Variants in COL23A1 observed in about 807,000 individuals in gnomAD.
COL23A1 encodes the protein collagen alpha-1(XXIII) chain.
In COL23A1, 97 loss-of-function variants were observed where a neutral mutation model predicts 99.3. The ratio of observed to expected loss-of-function variants is 0.98; its 90% CI spans 0.83 to 1.16. The LOEUF is 1.16. Ranked by LOEUF, COL23A1 falls within the 50% of genes most tolerant of loss-of-function variation. The pLI is 0.00. For synonymous variants in COL23A1, 320 were observed against 308.2 expected, an observed-to-expected ratio of 1.04 and a Z score of -0.40; for missense variants, 762 against 757.4, an observed-to-expected ratio of 1.01 and a Z score of -0.07.
intron 2 of COL23A1, among the ~76,000 whole-genome samples, chr5:178,409,020 ACAT>A (rs1446012079): frequency 3.0e-5 from 4 of 134,386 alleles, no homozygotes; most frequent in Non-Finnish European, 4.8e-5. Context: ...ACACACACAC[ACAT>A]CATGTGGCTG....
intron 1 of COL23A1, among the ~76,000 whole-genome samples, chr5:178,567,443 A>G (rs928818610): frequency 2.6e-5 from 4 of 152,130 alleles, no homozygotes; most frequent in African/African-American, 7.3e-5. Context: ...TCAAAGAAAC[A>G]TAAGAACCAA....
chr5:178,296,504 C>A (rs1404330930), intron 3 of COL23A1, among the ~76,000 whole-genome samples: 1 of 152,196 alleles, frequency 6.6e-6, no homozygotes, highest in African/African-American at 2.4e-5. Flanking sequence ...CACGCAGGGG[C>A]TGCTGGGAAG....
chr5:178,238,075 A>C lies in COL23A1; in HGVS notation c.*623T>G, dbSNP rs1311460767. 6.5e-6 allele frequency: 1 copy of C among 153,328 alleles called. No individual in the cohort carries two copies. Among genetic ancestry groups the C allele is most frequent in the African/African-American group, 2.4e-5 (1 of 41,474 alleles). 9.5% of individuals were successfully genotyped at this position (153,328 alleles called of 1,614,324 possible). On this transcript the variant is annotated 3_prime_UTR_variant, in exon 29 of 29. Transcript: ENST00000390654. ...CAGCCACTACTCCTGGCCAGAGGAC[A>C]TGTGCTCTCATGGCAGGCTGGCCTC...
Position 178,434,545 on chromosome 5 carries a change from GCCTGGGGCCTTC to G in COL23A1, c.361+126125_361+126136del, listed in dbSNP as rs899721427. ...GGAGAGGAGGGGCAGCTGAGCCCCA[GCCTGGGGCCTTC>G]CCTGGGGCCTTCCACTGGCGCTCTT... On this transcript the variant is annotated intron_variant, in intron 2 of 28. Coordinates refer to ENST00000390654, the MANE Select transcript of COL23A1 (RefSeq NM_173465.4). This position sits in a 1 kb window ranked among gnomAD's most constrained non-coding sequence, Gnocchi z 4.3. Among the ~76,000 whole-genome samples the G allele has an allele frequency of 1.6e-4, 24 of 152,192 alleles. No homozygotes were observed. The highest frequency in any genetic ancestry group is 7.7e-4 in the East Asian group (4 of 5,186).
intron 2 of COL23A1, among the ~76,000 whole-genome samples, chr5:178,355,712 C>G (rs35744038): frequency 0.097 from 14,795 of 152,146 alleles, 814 homozygotes; most frequent in Middle Eastern, 0.21. Context: ...GAATGGTCTC[C>G]ATCTCCTGAC....
chr5:178,473,957 C>A (rs1316799426), intron 2 of COL23A1, among the ~76,000 whole-genome samples: 2 of 152,168 alleles, frequency 1.3e-5, no homozygotes, highest in Non-Finnish European at 2.9e-5. Context: ...TATTTCCCTG[C>A]AACCTAAAGA....
chr5:178,556,045 A>G (rs1432100023), intron 2 of COL23A1, among the ~76,000 whole-genome samples: 1 of 152,174 alleles, frequency 6.6e-6, no homozygotes, highest in Non-Finnish European at 1.5e-5. Flanking sequence ...TCTTCCCTCC[A>G]TCACAGCACA....
At chr5:178,257,071 C>T (rs1470948257) in intron 13 of COL23A1, 143 bp from the exon 14 acceptor site, 9 of 715,734 alleles carry the variant, frequency 1.3e-5, no homozygotes, top group East Asian at 1.1e-4. Context: ...GGGGTGTGGG[C>T]GGATGGACCT....
chr5:178,520,057 G>A (rs1759851826), intron 2 of COL23A1, among the ~76,000 whole-genome samples: 1 of 152,144 alleles, frequency 6.6e-6, no homozygotes, highest in African/African-American at 2.4e-5. Flanking sequence ...AGATGCATGG[G>A]TGGATGGATG....
chr5:178,501,134 T>G (rs1429053608), intron 2 of COL23A1, among the ~76,000 whole-genome samples: 1 of 152,138 alleles, frequency 6.6e-6, no homozygotes, highest in African/African-American at 2.4e-5. Flanking sequence ...GTAAGAAGAC[T>G]CTTACCATGA....
chr5:178,566,065 T>C (rs527548352), intron 1 of COL23A1, among the ~76,000 whole-genome samples: 2 of 151,896 alleles, frequency 1.3e-5, no homozygotes, highest in South Asian at 2.1e-4. Flanking sequence ...AAGGCAGAGG[T>C]TGCAGTGAGT....
At chr5:178,436,799 C>A (rs191275127) in intron 2 of COL23A1, among the ~76,000 whole-genome samples, 2 of 152,284 alleles carry the variant, frequency 1.3e-5, no homozygotes, top group South Asian at 2.1e-4. Context: ...AAGCCCCTGG[C>A]AGGCTTGGTA....
chr5:178,452,815 C>T (rs1767562597), intron 2 of COL23A1, among the ~76,000 whole-genome samples: 1 of 152,164 alleles, frequency 6.6e-6, no homozygotes, highest in Non-Finnish European at 1.5e-5. Flanking sequence ...GGGGATGGTG[C>T]ACCAGGAGCA....
intron 2 of COL23A1, among the ~76,000 whole-genome samples, chr5:178,526,427 G>A (rs1403699210): frequency 6.6e-6 from 1 of 152,230 alleles, no homozygotes. Flanking sequence ...GAGCGAGAAG[G>A]ACATGGGCCT....
intron 2 of COL23A1, among the ~76,000 whole-genome samples, chr5:178,448,483 T>A (rs1416062201): frequency 6.6e-6 from 1 of 152,192 alleles, no homozygotes; most frequent in Non-Finnish European, 1.5e-5. Context: ...CGAGACTGGG[T>A]CATTTGTAAG....
At chr5:178,530,826 T>G (rs1389739576) in intron 2 of COL23A1, among the ~76,000 whole-genome samples, 1 of 152,214 alleles carries the variant, frequency 6.6e-6, no homozygotes, top group Non-Finnish European at 1.5e-5. Flanking sequence ...ATACCAGCTA[T>G]CTTTGCTGAG....
chr5:178,359,262 G>A lies in COL23A1; in HGVS notation c.362-52343C>T, dbSNP rs187902893. On this transcript the variant is annotated intron_variant, in intron 2 of 28. Transcript: ENST00000390654. ...AAGGGGGCTGGGTGCAGTGGCTCACGCCTGTAATCCCAGCACTTTGGGAGG... is the reference window on the plus strand; with the variant it reads ...AAGGGGGCTGGGTGCAGTGGCTCACACCTGTAATCCCAGCACTTTGGGAGG... Among the ~76,000 whole-genome samples the A allele has an allele frequency of 1.6e-4, 25 of 152,312 alleles. No homozygotes were observed. The East Asian group carries it at 3.7e-3, about 22-fold the overall frequency.
At chr5:178,442,946 G>A (rs1423691232) in intron 2 of COL23A1, 2 of 152,284 alleles carry the variant, frequency 1.3e-5, no homozygotes, top group African/African-American at 4.8e-5. Flanking sequence ...GCTGACTCCA[G>A]GCCGGCGGTT....
chr5:178,421,513 CA>C (rs1765632289), intron 2 of COL23A1, among the ~76,000 whole-genome samples: 1 of 152,188 alleles, frequency 6.6e-6, no homozygotes, highest in African/African-American at 2.4e-5. Context: ...TCCTCTCATG[CA>C]GATGTTTTCC....
Sources: allele counts gnomAD v4.1 joint callset (sites outside exome capture counted in the v4.1 genomes callset), GRCh38; gene constraint gnomAD v4.1.1; non-coding constraint Gnocchi (gnomAD v3.1); transcripts MANE v1.5; gene names NCBI Gene and HGNC (gene_info 2026-07-23, HGNC 2026-07-21).